The following CLTCL1 variants were observed in gnomAD, a reference collection of about 807,000 sequenced individuals.
CLTCL1 encodes clathrin heavy chain like 1.
CLTCL1 carries 159 observed loss-of-function variants against 190.0 expected under a neutral mutation model. The observed-to-expected ratio is 0.84, with a 90% CI of 0.74 to 0.95. The LOEUF (loss-of-function observed/expected upper bound fraction) is 0.95, where lower values mean the gene tolerates loss of function less well. CLTCL1 is among the 40% of genes least tolerant of loss of function. The pLI is 0.00. For synonymous variants in CLTCL1, 752 were observed against 769.6 expected, an observed-to-expected ratio of 0.98 and a Z score of 0.38; for missense variants, 1,878 against 2,033.4, an observed-to-expected ratio of 0.92 and a Z score of 1.47.
At chr22:19,247,529 T>C (rs2146004841) in intron 3 of CLTCL1, among the ~76,000 whole-genome samples, 1 of 152,276 alleles carries the variant, frequency 6.6e-6, no homozygotes, top group Non-Finnish European at 1.5e-5. Context: ...TCCCAAGAGT[T>C]TTTATTTTGT....
rs561437761 is a variant in CLTCL1, at chr22:19,232,685, C to T, written c.1522-87G>A. The stretch of plus-strand genomic sequence containing the variant: ...AGTTATCCATCCTTTGTTTTAAACT[C>T]GTGTTAACAAAGAAATGAGCAGCAA... On this transcript the variant is annotated intron_variant, in intron 9 of 32. Transcript: ENST00000427926. 3.7e-5 allele frequency: 55 copies of T among 1,488,296 alleles called. No homozygotes were observed. The East Asian group carries it at 4.2e-4, about 11-fold the overall frequency. 92.2% of individuals were successfully genotyped at this position (1,488,296 alleles called of 1,614,324 possible). A position where few individuals can be genotyped will look rare whatever the true frequency, so the allele number is the denominator to read the frequency against.
At chr22:19,258,039 C>T (rs2086821977) in intron 2 of CLTCL1, 1 of 479,370 alleles carries the variant, frequency 2.1e-6, no homozygotes, top group Non-Finnish European at 4.1e-6. Context: ...ACAGAGCTGG[C>T]CATGCACCAG....
rs1555953286 is a variant in CLTCL1 at position 19,222,699 on chromosome 22, C to A, written c.2403G>T (p.Glu801Asp). Residue 801 changes from glutamate (E) to aspartate (D), a missense_variant, in exon 15 of 33, where the codon GAG becomes GAT. By Grantham distance (45) the Glu-to-Asp change is conservative. Transcript: ENST00000427926. ...LYRNNLQRYI[E>D]IYVQKVNPSR... ...CCAGCAGTACCTTCTGCACGTAGAT[C>A]TCAATGTACCTCTGCAGGTTGTTGC... is the stretch of plus-strand genomic sequence containing the variant. 6.3e-7 allele frequency: 1 copy of A among 1,591,466 alleles called. No homozygotes were observed. Among genetic ancestry groups the A allele is most frequent in the East Asian group, 2.3e-5 (1 of 43,996 alleles).
intron 1 of CLTCL1, among the ~76,000 whole-genome samples, chr22:19,277,753 T>G (rs1555984232): frequency 1.3e-5 from 2 of 149,894 alleles, no homozygotes; most frequent in Non-Finnish European, 3.0e-5. Flanking sequence ...TGTGGGGGGG[T>G]TTCTCCAGCA....
At chr22:19,199,256 A>G (rs2084804949) in intron 24 of CLTCL1, among the ~76,000 whole-genome samples, 1 of 152,220 alleles carries the variant, frequency 6.6e-6, no homozygotes, top group African/African-American at 2.4e-5. Context: ...GCCTACCTAC[A>G]GCATGAACAT....
chr22:19,285,700 T>C lies in CLTCL1; in HGVS notation c.42+5900A>G, dbSNP rs111801060. Among the ~76,000 whole-genome samples, 219 of 152,208 alleles carry C rather than the reference T, an allele frequency of 1.4e-3. 2 individuals are homozygous for C. Among genetic ancestry groups the C allele is most frequent in the African/African-American group, 5.0e-3 (206 of 41,516 alleles). On this transcript the variant is annotated intron_variant, in intron 1 of 32. Coordinates refer to ENST00000427926, the MANE Select transcript of CLTCL1 (RefSeq NM_007098.4). ...GCCTCAAGAGAAGTGGAAGAAAATG[T>C]GGGAGAAGAGCCTGCAAACTCAGTA...
intron 10 of CLTCL1, among the ~76,000 whole-genome samples, chr22:19,230,232 T>A (rs782340672): frequency 1.3e-4 from 19 of 151,954 alleles, no homozygotes; most frequent in Non-Finnish European, 2.4e-4. Flanking sequence ...GCTTCCCAAG[T>A]GGCTGAGACT....
intron 2 of CLTCL1, chr22:19,257,538 T>C: frequency 2.8e-6 from 1 of 356,424 alleles, no homozygotes; most frequent in South Asian, 2.7e-5. Context: ...CACCACTCAC[T>C]CCACTACCTT....
intron 3 of CLTCL1, among the ~76,000 whole-genome samples, chr22:19,249,485 T>C (rs2086522273): frequency 6.6e-6 from 1 of 151,950 alleles, no homozygotes; most frequent in Admixed American, 6.6e-5. Context: ...TAACCTTGAG[T>C]AGTTTGAGAC....
At chr22:19,208,895 A>G (rs2085132290) in intron 21 of CLTCL1, 27 bp downstream of exon 21, 1 of 1,547,476 alleles carries the variant, frequency 6.5e-7, no homozygotes, top group Non-Finnish European at 8.8e-7. Context: ...TGAGATGCAG[A>G]GCCCTAGGGA....
At chr22:19,244,211 G>C (rs1477609511) in intron 3 of CLTCL1, among the ~76,000 whole-genome samples, 1 of 151,984 alleles carries the variant, frequency 6.6e-6, no homozygotes, top group Non-Finnish European at 1.5e-5. Context: ...GATAACAAAG[G>C]CTTCAACTTT....
At chr22:19,207,598 C>T (rs1400944195) in intron 22 of CLTCL1, 1 of 408,978 alleles carries the variant, frequency 2.4e-6, no homozygotes, top group Admixed American at 4.1e-5. Flanking sequence ...CCACGGACCG[C>T]TGCTGGTCTG....
chr22:19,208,502 A>G (rs1218073011), intron 21 of CLTCL1, among the ~76,000 whole-genome samples, 191 bp from the exon 22 acceptor site: 1 of 152,030 alleles, frequency 6.6e-6, no homozygotes, highest in Non-Finnish European at 1.5e-5. Context: ...AGAAGGGAGG[A>G]GGGGAGGGGC....
chr22:19,199,961 A>T (rs2084828393), intron 23 of CLTCL1, 120 bp from the exon 24 acceptor site: 1 of 623,446 alleles, frequency 1.6e-6, no homozygotes, highest in Non-Finnish European at 2.8e-6. Context: ...TTTAAGTTGG[A>T]TTCTGAACAA....
chr22:19,275,505 A>C (rs1555982709), intron 2 of CLTCL1, 118 bp downstream of exon 2: 2 of 1,091,608 alleles, frequency 1.8e-6, no homozygotes, highest in Admixed American at 4.7e-5. Flanking sequence ...TTTGGAATTA[A>C]GTGGAATACT....
intron 7 of CLTCL1, 85 bp downstream of exon 7, chr22:19,234,424 T>C: frequency 1.7e-6 from 2 of 1,202,154 alleles, no homozygotes; most frequent in African/African-American, 1.5e-5. Context: ...GCAATATCAC[T>C]AGTGAAATGC....
At chr22:19,239,242 C>T (rs782279444) in intron 5 of CLTCL1, 33 bp downstream of exon 5, 7 of 1,514,550 alleles carry the variant, frequency 4.6e-6, no homozygotes, top group East Asian at 2.3e-5. Context: ...GATTTTAGGA[C>T]ATGAAGATGT....
At chr22:19,230,485 G>A (rs2085888042) in intron 10 of CLTCL1, among the ~76,000 whole-genome samples, 1 of 152,188 alleles carries the variant, frequency 6.6e-6, no homozygotes, top group African/African-American at 2.4e-5. Context: ...TACTCAGGAG[G>A]CTGAGGTGGA....
chr22:19,195,841 G>T (rs1295522347), intron 26 of CLTCL1, among the ~76,000 whole-genome samples: 1 of 152,048 alleles, frequency 6.6e-6, no homozygotes, highest in Non-Finnish European at 1.5e-5. Context: ...CGCTGGTGCT[G>T]GGGAGAGACA....
Sources: allele counts gnomAD v4.1 joint callset (sites outside exome capture counted in the v4.1 genomes callset), GRCh38; gene constraint gnomAD v4.1.1; transcripts MANE v1.5; gene names NCBI Gene and HGNC (gene_info 2026-07-23, HGNC 2026-07-21).